Variants in CCDC102B observed in about 807,000 individuals in gnomAD.
The protein encoded by CCDC102B is coiled-coil domain containing 102B.
A neutral mutation model predicts 57.4 loss-of-function variants in CCDC102B; 75 were observed. The ratio of observed to expected loss-of-function variants is 1.31; its 90% CI spans 1.08 to 1.58. CCDC102B has a LOEUF of 1.58. Among genes scored for constraint, CCDC102B ranks in the 40% most tolerant of loss-of-function variants. The pLI is 0.00. For missense variants in CCDC102B, 636 were observed against 582.6 expected (o/e 1.09, Z -0.94); for synonymous variants, 206 against 201.9 (o/e 1.02, Z -0.17).
At chr18:68,741,636 A>G (rs930890299) in intron 2 of CCDC102B, among the ~76,000 whole-genome samples, 1 of 150,850 alleles carries the variant, frequency 6.6e-6, no homozygotes, top group Non-Finnish European at 1.5e-5. Flanking sequence ...AAGGTCCCTT[A>G]CCCCAAATTT....
At chr18:68,810,701 T>C (rs1461490780) in intron 1 of CCDC102B, among the ~76,000 whole-genome samples, 4 of 146,304 alleles carry the variant, frequency 2.7e-5, no homozygotes, top group Admixed American at 6.8e-5. Context: ...TTTTTTTTTT[T>C]TTTTTTATGC....
chr18:68,820,769 G>T (rs547438095), intron 1 of CCDC102B, among the ~76,000 whole-genome samples: 1 of 152,116 alleles, frequency 6.6e-6, no homozygotes, highest in African/African-American at 2.4e-5. Context: ...CCCTGCAGAT[G>T]GAATGGTGAG....
chr18:68,797,973 C>T (rs2035691131), upstream of CCDC102B: 1 of 152,086 alleles, frequency 6.6e-6, no homozygotes, highest in Admixed American at 6.6e-5. Context: ...CAATGGTGAT[C>T]CAAAGAGGGG....
At chr18:68,764,478 C>T (rs1410339632) in intron 2 of CCDC102B, among the ~76,000 whole-genome samples, 2 of 152,062 alleles carry the variant, frequency 1.3e-5, no homozygotes. Flanking sequence ...ATTCCAGGTC[C>T]TCTGATTTAA....
intron 4 of CCDC102B, among the ~76,000 whole-genome samples, chr18:68,849,282 G>A (rs936298225): frequency 2.0e-5 from 3 of 152,112 alleles, no homozygotes; most frequent in African/African-American, 7.2e-5. Context: ...GGTCCTTGAA[G>A]ATAGTTATTA....
At chr18:68,902,065 G>T (rs1028900609) in intron 6 of CCDC102B, 1 of 152,140 alleles carries the variant, frequency 6.6e-6, no homozygotes, top group African/African-American at 2.4e-5. Flanking sequence ...CAAGCACTTT[G>T]CCCATGGCAA....
rs138060147 is a variant in CCDC102B at position 68,862,227 on chromosome 18, C to A, written c.937-12442C>A. 7.3e-3 allele frequency among the ~76,000 whole-genome samples: 1,114 copies of A among 152,158 alleles called. 5 individuals carry two copies. Among genetic ancestry groups the A allele is most frequent in the South Asian group, 0.01 (49 of 4,816 alleles). ...ATTGACCATGTGATATCCTTTGTAA[C>A]CTTGTGGATATTTCTGTTAAGAAAA... is the stretch of plus-strand genomic sequence containing the variant. On this transcript the variant is annotated intron_variant, in intron 4 of 7. Coordinates refer to ENST00000360242, the MANE Select transcript of CCDC102B (RefSeq NM_024781.3).
chr18:68,926,879 G>A (rs576943688), intron 6 of CCDC102B, among the ~76,000 whole-genome samples: 1 of 151,906 alleles, frequency 6.6e-6, no homozygotes, highest in Non-Finnish European at 1.5e-5. Context: ...TCTAAATAAA[G>A]ATTTACAAAT....
At chr18:69,037,028 TACACACACACAC>T (rs3059238) in intron 7 of CCDC102B, among the ~76,000 whole-genome samples, 3 of 149,938 alleles carry the variant, frequency 2.0e-5, no homozygotes, top group Admixed American at 6.7e-5. Context: ...GGTGTATATA[TACACACACACAC>T]ACACACACAC....
intron 5 of CCDC102B, among the ~76,000 whole-genome samples, chr18:68,889,389 C>T (rs2039996800): frequency 2.0e-5 from 3 of 152,126 alleles, no homozygotes; most frequent in African/African-American, 7.2e-5. Flanking sequence ...ACTTCCTAGC[C>T]TCCAGACCTG....
chr18:69,005,891 C>G (rs959810338), intron 6 of CCDC102B, among the ~76,000 whole-genome samples: 1 of 151,578 alleles, frequency 6.6e-6, no homozygotes, highest in African/African-American at 2.4e-5. Flanking sequence ...TATAAAAGAA[C>G]TGTGAATTGT....
intron 6 of CCDC102B, among the ~76,000 whole-genome samples, chr18:68,917,463 G>A (rs576478234): frequency 2.0e-5 from 3 of 152,234 alleles, no homozygotes; most frequent in East Asian, 3.9e-4. Context: ...CTCTTCCTCC[G>A]TTATACTTAG....
intron 6 of CCDC102B, among the ~76,000 whole-genome samples, chr18:68,998,995 TATATAGAGAGAGAG>T (rs1459296126): frequency 0.11 from 4,651 of 41,658 alleles, 52 homozygotes; most frequent in South Asian, 0.17. Flanking sequence ...TATATATATA[TATATAGAGAGAGAG>T]AGAGAGAGAG....
chr18:68,789,268 T>C (rs2035336476), intron 2 of CCDC102B, among the ~76,000 whole-genome samples: 1 of 152,122 alleles, frequency 6.6e-6, no homozygotes, highest in South Asian at 2.1e-4. Context: ...TAACATTTTT[T>C]CCTTCATTTC....
In CCDC102B at chr18:68,905,784, C is replaced by CTTTTTTTTTTTTTT. The variant is rs35808828; in HGVS notation, c.1263+8370_1263+8383dup. ...GTGATATATAATCTTTTATGTCTGG[C>CTTTTTTTTTTTTTT]TTTTTTTTTTTTTTTTTTTTTTTTT... On this transcript the variant is annotated intron_variant, in intron 6 of 7. Coordinates refer to ENST00000360242, the MANE Select transcript of CCDC102B (RefSeq NM_024781.3). Among the ~76,000 whole-genome samples, 9 of 70,464 alleles carry CTTTTTTTTTTTTTT rather than the reference C, an allele frequency of 1.3e-4. No homozygotes were observed. The East Asian group carries it at 2.2e-3, about 17-fold the overall frequency. The allele number at this position is 70,464 out of a possible 152,430, so 46.2% of individuals were successfully genotyped here.
chr18:68,771,984 A>G (rs1279183781), intron 2 of CCDC102B, among the ~76,000 whole-genome samples: 1 of 151,896 alleles, frequency 6.6e-6, no homozygotes, highest in African/African-American at 2.4e-5. Flanking sequence ...CCTGTTTCCA[A>G]ATGTTTTAGA....
intron 2 of CCDC102B, among the ~76,000 whole-genome samples, chr18:68,740,192 G>A (rs2033322709): frequency 6.6e-6 from 1 of 152,080 alleles, no homozygotes; most frequent in African/African-American, 2.4e-5. Flanking sequence ...AACCAAAAAT[G>A]TCTCCAAATA....
At chr18:69,028,895 A>C (rs879698001) in intron 7 of CCDC102B, among the ~76,000 whole-genome samples, 2 of 152,028 alleles carry the variant, frequency 1.3e-5, no homozygotes, top group Admixed American at 6.5e-5. Flanking sequence ...TAAAAAAAAA[A>C]CTAGAATTTC....
chr18:68,726,227 A>G (rs879728400), intron 2 of CCDC102B, among the ~76,000 whole-genome samples: 1 of 152,258 alleles, frequency 6.6e-6, no homozygotes, highest in Admixed American at 6.5e-5. Flanking sequence ...AATTTTTTAC[A>G]TATGAAATAA....
Sources: gnomAD v4.1 joint callset for allele counts (sites outside exome capture counted in the v4.1 genomes callset) on GRCh38, gnomAD v4.1.1 for gene constraint, MANE v1.5 for transcripts, NCBI Gene and HGNC (gene_info 2026-07-23, HGNC 2026-07-21) for gene names.